The following KCNIP4 variants were observed in gnomAD, a reference collection of about 807,000 sequenced individuals.
KCNIP4 encodes potassium voltage-gated channel interacting protein 4, also known as Kv channel-interacting protein 4.
In KCNIP4, 12 loss-of-function variants were observed where a neutral mutation model predicts 34.0. That is an observed-to-expected ratio of 0.35 (90% CI 0.23 to 0.57). KCNIP4 has a LOEUF of 0.57. Among genes scored for constraint, KCNIP4 ranks in the 20% least tolerant of loss-of-function variants. The pLI, the probability that KCNIP4 is intolerant of heterozygous loss-of-function variation, is 0.83. For missense variants in KCNIP4, 238 were observed against 311.7 expected, an observed-to-expected ratio of 0.76 and a Z score of 1.78; for synonymous variants, 124 against 102.2, an observed-to-expected ratio of 1.21 and a Z score of -1.29.
At chr4:20,803,694 A>G (rs13105575) in intron 3 of KCNIP4, among the ~76,000 whole-genome samples, 5,459 of 101,786 alleles carry the variant, frequency 0.054, 183 homozygotes, top group East Asian at 0.26. Flanking sequence ...AGAGGGAGAG[A>G]GAGAGAGAAA....
intron 3 of KCNIP4, among the ~76,000 whole-genome samples, chr4:20,845,857 C>A (rs1480723943): frequency 6.6e-6 from 1 of 152,134 alleles, no homozygotes; most frequent in Non-Finnish European, 1.5e-5. Context: ...ACCACAGGAG[C>A]TTAGAAAAGG....
intron 1 of KCNIP4, among the ~76,000 whole-genome samples, chr4:21,944,283 C>G (rs755865383): frequency 1.3e-5 from 2 of 151,960 alleles, no homozygotes; most frequent in African/African-American, 2.4e-5. Context: ...GTAGCTCACG[C>G]CTGTAATCCT....
intron 3 of KCNIP4, among the ~76,000 whole-genome samples, chr4:20,768,699 C>T (rs906157349): frequency 1.3e-5 from 2 of 152,098 alleles, no homozygotes; most frequent in Admixed American, 1.3e-4. Flanking sequence ...ATGAAAGAAA[C>T]CCAACCAATT....
At chr4:21,589,552 T>C (rs73252293) in intron 1 of KCNIP4, among the ~76,000 whole-genome samples, 10,244 of 151,632 alleles carry the variant, frequency 0.068, 512 homozygotes, top group African/African-American at 0.13. Context: ...GACTAAATAC[T>C]GTAAGCAAGG....
chr4:20,805,584 G>C (rs1398076759), intron 3 of KCNIP4, among the ~76,000 whole-genome samples: 2 of 152,106 alleles, frequency 1.3e-5, no homozygotes, highest in Admixed American at 6.5e-5. Context: ...ATTCAGCATA[G>C]AGAAGAGTTG....
chr4:21,211,122 G>T (rs1418958214), intron 1 of KCNIP4, among the ~76,000 whole-genome samples: 1 of 152,176 alleles, frequency 6.6e-6, no homozygotes, highest in Non-Finnish European at 1.5e-5. Context: ...TCTTAATAAT[G>T]AGGATAATGT....
chr4:20,818,707 C>T (rs935489953), intron 3 of KCNIP4, among the ~76,000 whole-genome samples: 4 of 152,042 alleles, frequency 2.6e-5, no homozygotes, highest in Non-Finnish European at 5.9e-5. Flanking sequence ...TGCTTGAGTT[C>T]AGCCATTGGG....
chr4:21,330,734 T>C (rs1022710075), intron 1 of KCNIP4, among the ~76,000 whole-genome samples: 1 of 152,198 alleles, frequency 6.6e-6, no homozygotes, highest in African/African-American at 2.4e-5. Flanking sequence ...GCAGTGCCAT[T>C]GAACTTGCTT....
At position 21,011,427 on chromosome 4, in the gene KCNIP4, C is replaced by T. The variant is rs79711029; in HGVS notation, c.62-128718G>A. On this transcript the variant is annotated intron_variant, in intron 1 of 8. Transcript: ENST00000382152. ...GATACTTGGACAATATTATTTCCAT[C>T]GGTACTTTTCCATCCTCCTGTGTAT... 4.7e-3 allele frequency among the ~76,000 whole-genome samples: 715 copies of T among 152,266 alleles called. 2 individuals carry two copies. Among genetic ancestry groups the T allele is most frequent in the Non-Finnish European group, 6.6e-3 (449 of 68,014 alleles).
intron 1 of KCNIP4, among the ~76,000 whole-genome samples, chr4:21,114,247 T>TAAAC (rs910455865): frequency 2.6e-5 from 4 of 152,300 alleles, no homozygotes; most frequent in East Asian, 3.9e-4. Context: ...GACTCACTTT[T>TAAAC]AAACAAACAA....
intron 1 of KCNIP4, among the ~76,000 whole-genome samples, chr4:21,593,722 G>A (rs1274004680): frequency 7.9e-5 from 12 of 152,064 alleles, no homozygotes; most frequent in Admixed American, 4.6e-4. Context: ...CAAGACAGAT[G>A]CATGCCCTTA....
At chr4:21,513,664 AG>A (rs1734522966) in intron 1 of KCNIP4, among the ~76,000 whole-genome samples, 4 of 152,226 alleles carry the variant, frequency 2.6e-5, no homozygotes, top group African/African-American at 7.2e-5. Context: ...CAGAACCTTC[AG>A]CCTTCACGTG....
chr4:21,883,901 G>A (rs1031688717), intron 1 of KCNIP4, among the ~76,000 whole-genome samples: 4 of 152,102 alleles, frequency 2.6e-5, no homozygotes, highest in Non-Finnish European at 5.9e-5. Flanking sequence ...TGGCCCAATA[G>A]AGACTTCTTT....
At chr4:21,412,895 C>G (rs1489940394) in intron 1 of KCNIP4, among the ~76,000 whole-genome samples, 1 of 152,212 alleles carries the variant, frequency 6.6e-6, no homozygotes, top group African/African-American at 2.4e-5. Flanking sequence ...ACAAGCATTC[C>G]TCTATCCCTT....
intron 1 of KCNIP4, among the ~76,000 whole-genome samples, chr4:21,628,917 T>C (rs1023567100): frequency 1.3e-5 from 2 of 152,210 alleles, no homozygotes; most frequent in African/African-American, 4.8e-5. Context: ...CATTAGCTTT[T>C]TAATTATATA....
rs182243050 is a variant in KCNIP4, at chr4:21,042,167, G to T, written c.62-159458C>A. ...ATTTCCCTATGATTCACAAAGGAAG[G>T]TCATCCAGCAATCCTAGTACTGGGT... is the stretch of plus-strand genomic sequence containing the variant. On this transcript the variant is annotated intron_variant, in intron 1 of 8. Transcript: ENST00000382152. Among the ~76,000 whole-genome samples the T allele has an allele frequency of 2.9e-4, 44 of 152,242 alleles. No individual in the cohort carries two copies. The East Asian group carries it at 8.3e-3, about 29-fold the overall frequency.
intron 1 of KCNIP4, among the ~76,000 whole-genome samples, chr4:21,055,193 AG>A (rs1743297972): frequency 6.6e-6 from 1 of 152,202 alleles, no homozygotes; most frequent in East Asian, 1.9e-4. Context: ...TAATTACAGG[AG>A]TATAAATTAA....
At chr4:21,604,559 G>A (rs1004205173) in intron 1 of KCNIP4, among the ~76,000 whole-genome samples, 4 of 151,932 alleles carry the variant, frequency 2.6e-5, no homozygotes, top group African/African-American at 4.8e-5. Context: ...TGGGACCTTG[G>A]CAAATTGCAG....
At chr4:20,853,135 T>C (rs1173059846) in intron 2 of KCNIP4, among the ~76,000 whole-genome samples, 1 of 152,128 alleles carries the variant, frequency 6.6e-6, no homozygotes. Flanking sequence ...AAAACAATTC[T>C]AAAATTCATG....
Sources: gnomAD v4.1 joint callset for allele counts (sites outside exome capture counted in the v4.1 genomes callset) on GRCh38, gnomAD v4.1.1 for gene constraint, MANE v1.5 for transcripts, NCBI Gene and HGNC (gene_info 2026-07-23, HGNC 2026-07-21) for gene names.